Variants in CRLF3 observed in about 807,000 individuals in gnomAD.
CRLF3 encodes the protein cytokine receptor-like factor 3.
A neutral mutation model predicts 55.0 loss-of-function variants in CRLF3; 33 were observed. The observed-to-expected ratio is 0.60, with a 90% CI of 0.46 to 0.80. The LOEUF is 0.80. Among genes scored for constraint, CRLF3 ranks in the 30% least tolerant of loss-of-function variants. The probability of loss-of-function intolerance (pLI) is 0.00; values close to 1 mark genes in which losing one functional copy is unlikely to be tolerated. For synonymous variants in CRLF3, 238 were observed against 196.8 expected (o/e 1.21, Z -1.75); for missense variants, 494 against 538.4 (o/e 0.92, Z 0.82).
intron 1 of CRLF3, among the ~76,000 whole-genome samples, chr17:30,807,000 C>A (rs1313340558): frequency 6.6e-6 from 1 of 152,062 alleles, no homozygotes; most frequent in Non-Finnish European, 1.5e-5. Context: ...GTAATCCCAG[C>A]ACTTTGGGAG....
Position 30,793,660 on chromosome 17 carries a change from A to C in CRLF3, c.616T>G (p.Phe206Val), listed in dbSNP as rs774378333. 1 of 1,612,200 alleles carries C rather than the reference A, an allele frequency of 6.2e-7. No homozygotes were observed. Among genetic ancestry groups the C allele is most frequent in the Non-Finnish European group, 8.5e-7 (1 of 1,178,378 alleles). ...IVRWCKVDDD[F>V]TAQDYRLQFR... ...TGGAGCCTGTAATCTTGGGCTGTAA[A>C]GTCATCATCCACCTAGGGAGAAAAG... The change falls in exon 5 of 8, where the codon TTT (phenylalanine) becomes GTT (valine). Residue 206 changes from phenylalanine to valine, a missense_variant. Phe to Val is a conservative substitution (Grantham distance 50). Transcript: ENST00000324238.
At chr17:30,819,491 T>A (rs1443478056) in intron 1 of CRLF3, among the ~76,000 whole-genome samples, 1 of 152,158 alleles carries the variant, frequency 6.6e-6, no homozygotes, top group Non-Finnish European at 1.5e-5. Flanking sequence ...TACGTTTTTG[T>A]TTTTGAGATG....
At chr17:30,803,876 T>C in intron 2 of CRLF3, 25 bp downstream of exon 2, 1 of 1,548,094 alleles carries the variant, frequency 6.5e-7, no homozygotes, top group Non-Finnish European at 8.9e-7. Context: ...AATGCACTAA[T>C]ACAACAGGCT....
At chr17:30,810,310 A>G (rs529439487) in intron 1 of CRLF3, among the ~76,000 whole-genome samples, 1 of 152,292 alleles carries the variant, frequency 6.6e-6, no homozygotes, top group South Asian at 2.1e-4. Context: ...CTGTAATCCC[A>G]GCACTTTGGG....
At chr17:30,793,846 C>T (rs1971862026) in intron 4 of CRLF3, among the ~76,000 whole-genome samples, 174 bp from the exon 5 acceptor site, 1 of 148,198 alleles carries the variant, frequency 6.7e-6, no homozygotes, top group Admixed American at 6.8e-5. Context: ...TATCTCCCTT[C>T]TTTTTTTTTT....
At position 30,783,219 on chromosome 17, in the gene CRLF3, GTT is replaced by G. The variant is rs1397477428; in HGVS notation, c.*966_*967del. The G allele has an allele frequency of 1.3e-5, 2 of 152,076 alleles. No homozygotes were observed. Among genetic ancestry groups the G allele is most frequent in the African/African-American group, 4.8e-5 (2 of 41,398 alleles). The allele number at this position is 152,076 out of a possible 1,614,324, so 9.4% of individuals were successfully genotyped here. On this transcript the variant is annotated 3_prime_UTR_variant, in exon 8 of 8. Coordinates refer to ENST00000324238, the MANE Select transcript of CRLF3 (RefSeq NM_015986.4). The stretch of plus-strand genomic sequence containing the variant: ...GCTGTGCATACTACTGCCATAACTA[GTT>G]TTACCCTGTAAAAATACTGTAGCCT...
At position 30,797,391 on chromosome 17, in the gene CRLF3, G is replaced by A. The variant is rs573840580; in HGVS notation, c.345C>T (p.Ile115=). The change falls in exon 3 of 8, where the codon ATC becomes ATT. Residue 115 remains isoleucine (I), a synonymous_variant. Coordinates refer to ENST00000324238, the MANE Select transcript of CRLF3 (RefSeq NM_015986.4). Reference sequence around the variant, plus strand: ...CTTCTCCCACACCACCAAGCATGGCGATTTCACCTACAATCAAGAATAAGA... The same window carrying A: ...CTTCTCCCACACCACCAAGCATGGCAATTTCACCTACAATCAAGAATAAGA... The part of the protein sequence containing the change: ...TAEDLVREGE[I]AMLGGVGEEN... 7.4e-6 allele frequency: 12 copies of A among 1,612,698 alleles called. No homozygotes were observed. The East Asian group carries it at 1.1e-4, about 15-fold the overall frequency.
At chr17:30,789,758 C>G (rs1971745879) in intron 6 of CRLF3, among the ~76,000 whole-genome samples, 1 of 152,068 alleles carries the variant, frequency 6.6e-6, no homozygotes, top group African/African-American at 2.4e-5. Context: ...ATAGTAAATA[C>G]TGTTTAAATA....
intron 1 of CRLF3, among the ~76,000 whole-genome samples, chr17:30,811,331 C>T (rs1403061630): frequency 2.0e-5 from 3 of 151,212 alleles, no homozygotes; most frequent in African/African-American, 4.9e-5. Flanking sequence ...GGTGCCTGCC[C>T]GTAATCCCAG....
Position 30,784,459 on chromosome 17 carries a change from A to T in CRLF3, c.1073-16T>A, listed in dbSNP as rs779375392. On this transcript the variant is annotated splice_polypyrimidine_tract_variant and intron_variant, in intron 7 of 7. Coordinates refer to ENST00000324238, the MANE Select transcript of CRLF3 (RefSeq NM_015986.4). The stretch of plus-strand genomic sequence containing the variant: ...AAAACTGCACCTAAAATGTTAAGGT[A>T]AAGAGTCATTTACATGTGAGCAATA... The T allele has an allele frequency of 6.2e-7, 1 of 1,601,956 alleles. No individual in the cohort carries two copies. The highest frequency in any genetic ancestry group is 8.5e-7 in the Non-Finnish European group (1 of 1,169,694).
In CRLF3 at chr17:30,783,119, CAA is replaced by C. The variant is rs1420545730; in HGVS notation, c.*1066_*1067del. 4.6e-5 allele frequency: 7 copies of C among 152,150 alleles called. No individual in the cohort carries two copies. The highest frequency in any genetic ancestry group is 1.3e-4 in the Admixed American group (2 of 15,272). The allele number at this position is 152,150 out of a possible 1,614,324, so 9.4% of individuals were successfully genotyped here. ...AAACTGGACTGCAGCTCATTCTCTG[CAA>C]AGAGTAAAATGCATGTCACAGGCAG... On this transcript the variant is annotated 3_prime_UTR_variant, in exon 8 of 8. Transcript: ENST00000324238.
intron 7 of CRLF3, chr17:30,784,758 A>AT (rs72335377): frequency 0.027 from 4,992 of 182,982 alleles, 13 homozygotes; most frequent in South Asian, 0.046. Context: ...CACCAACACA[A>AT]TTTTTTTTTT....
chr17:30,784,646 A>G, intron 7 of CRLF3: 4 of 472,896 alleles, frequency 8.5e-6, no homozygotes, highest in Non-Finnish European at 1.1e-5. Flanking sequence ...CAGTGTCATC[A>G]AAAGAAACTT....
intron 2 of CRLF3, among the ~76,000 whole-genome samples, chr17:30,803,251 C>G (rs1042605214): frequency 2.6e-5 from 4 of 152,020 alleles, no homozygotes. Flanking sequence ...CCATTTTCCA[C>G]AATGTGATTA....
chr17:30,801,324 A>G (rs1346389415), intron 2 of CRLF3: 1 of 148,812 alleles, frequency 6.7e-6, no homozygotes, highest in African/African-American at 2.5e-5. Context: ...ATGGGGTCTC[A>G]TTATCTTGCC....
intron 6 of CRLF3, among the ~76,000 whole-genome samples, chr17:30,790,119 CA>C (rs1281211211): frequency 6.6e-6 from 1 of 151,934 alleles, no homozygotes; most frequent in Non-Finnish European, 1.5e-5. Flanking sequence ...GCTGACAATT[CA>C]AATTACTTAG....
At position 30,792,539 on chromosome 17, in the gene CRLF3, CTCA is replaced by C; in HGVS notation, c.857_859del (p.Leu286_Ser287delinsArg). 6.2e-7 allele frequency: 1 copy of C among 1,610,972 alleles called. No homozygotes were observed. The highest frequency in any genetic ancestry group is 8.5e-7 in the Non-Finnish European group (1 of 1,177,482). On this transcript the variant is annotated inframe_deletion, in exon 6 of 8. Coordinates refer to ENST00000324238, the MANE Select transcript of CRLF3 (RefSeq NM_015986.4). Reference sequence around the variant, plus strand: ...CCGAAGTGCTATATTTCTTCGACTGCTCAGACTGTACCCCTCAAAACCAGCTGT... The same window carrying C: ...CCGAAGTGCTATATTTCTTCGACTGCGACTGTACCCCTCAAAACCAGCTGT...
At chr17:30,793,059 G>A (rs1971845444) in intron 5 of CRLF3, among the ~76,000 whole-genome samples, 1 of 150,914 alleles carries the variant, frequency 6.6e-6, no homozygotes, top group African/African-American at 2.4e-5. Context: ...GGGAGACTGA[G>A]GCAGAAGGAT....
chr17:30,808,689 T>C (rs1423552878), intron 1 of CRLF3, among the ~76,000 whole-genome samples: 1 of 151,774 alleles, frequency 6.6e-6, no homozygotes, highest in African/African-American at 2.4e-5. Flanking sequence ...GCCTCCCAGG[T>C]TCAAGCAGTT....
Sources: gnomAD v4.1 joint callset for allele counts (sites outside exome capture counted in the v4.1 genomes callset) on GRCh38, gnomAD v4.1.1 for gene constraint, MANE v1.5 for transcripts, NCBI Gene and HGNC (gene_info 2026-07-23, HGNC 2026-07-21) for gene names.